Variants in DLG2 observed in about 807,000 individuals in gnomAD.
DLG2 encodes discs large MAGUK scaffold protein 2, also known as disks large homolog 2.
DLG2 carries 45 observed loss-of-function variants against 132.5 expected under a neutral mutation model. The observed-to-expected ratio is 0.34, with a 90% CI of 0.27 to 0.44. The LOEUF is 0.44. Among genes scored for constraint, DLG2 ranks in the 20% least tolerant of loss-of-function variants. The pLI, the probability that DLG2 is intolerant of heterozygous loss-of-function variation, is 1.00. For synonymous variants in DLG2, 424 were observed against 419.6 expected (o/e 1.01, Z -0.13); for missense variants, 1,045 against 1,196.9 (o/e 0.87, Z 1.87).
intron 9 of DLG2, among the ~76,000 whole-genome samples, chr11:84,150,191 G>A (rs533506804): frequency 1.3e-5 from 2 of 152,162 alleles, no homozygotes; most frequent in Admixed American, 6.5e-5. Flanking sequence ...CAATCCATGA[G>A]GATGGAATGG....
intron 6 of DLG2, among the ~76,000 whole-genome samples, chr11:84,655,235 C>T (rs1326788123): frequency 6.6e-6 from 1 of 152,118 alleles, no homozygotes; most frequent in Non-Finnish European, 1.5e-5. Flanking sequence ...CCTTTCATTT[C>T]ATATTTCACA....
At chr11:84,343,178 G>A (rs1009774470) in intron 7 of DLG2, among the ~76,000 whole-genome samples, 24 of 152,130 alleles carry the variant, frequency 1.6e-4, no homozygotes, top group African/African-American at 5.6e-4. Flanking sequence ...TTGATGAATC[G>A]ATAGACATTC....
chr11:85,546,818 C>CTTTTT (rs34822004), intron 3 of DLG2, among the ~76,000 whole-genome samples: 100 of 68,982 alleles, frequency 1.4e-3, no homozygotes, highest in South Asian at 1.8e-3. Flanking sequence ...ATAACCCCTG[C>CTTTTT]TTTTTTTTTT....
intron 6 of DLG2, among the ~76,000 whole-genome samples, chr11:85,046,930 A>C (rs2062401954): frequency 6.6e-6 from 1 of 151,768 alleles, no homozygotes; most frequent in Non-Finnish European, 1.5e-5. Flanking sequence ...TCTGCAGTAA[A>C]GAGATATGTT....
At chr11:84,353,826 T>C (rs1332027821) in intron 7 of DLG2, among the ~76,000 whole-genome samples, 1 of 152,092 alleles carries the variant, frequency 6.6e-6, no homozygotes, top group Admixed American at 6.6e-5. Context: ...TCCCACAACT[T>C]CATCATTTAT....
intron 3 of DLG2, among the ~76,000 whole-genome samples, chr11:85,589,911 T>A (rs1281430708): frequency 6.6e-6 from 1 of 152,140 alleles, no homozygotes; most frequent in Non-Finnish European, 1.5e-5. Flanking sequence ...CCAGTCAAAA[T>A]TATTGTAAAA....
At chr11:83,484,013 G>T in intron 22 of DLG2, 116 bp downstream of exon 22, 1 of 797,402 alleles carries the variant, frequency 1.3e-6, no homozygotes, top group Non-Finnish European at 2.1e-6. Flanking sequence ...TGCCCTGCCT[G>T]CCTGCTGTGT....
chr11:83,843,881 C>A (rs1360146014), intron 16 of DLG2, among the ~76,000 whole-genome samples: 1 of 152,120 alleles, frequency 6.6e-6, no homozygotes, highest in Non-Finnish European at 1.5e-5. Flanking sequence ...AAACCCCTTT[C>A]ATTACAAAGC....
chr11:83,854,814 A>G (rs1183411579), intron 16 of DLG2, among the ~76,000 whole-genome samples: 1 of 152,126 alleles, frequency 6.6e-6, no homozygotes, highest in East Asian at 1.9e-4. Flanking sequence ...GACAGTTTTT[A>G]TTTTATTAAA....
chr11:85,053,712 G>A (rs2154155210), intron 6 of DLG2, among the ~76,000 whole-genome samples: 1 of 144,584 alleles, frequency 6.9e-6, no homozygotes, highest in Non-Finnish European at 1.5e-5. Context: ...TGAGATAGGA[G>A]AATGGCGTGA....
chr11:83,909,466 C>T (rs2075658817), intron 15 of DLG2, among the ~76,000 whole-genome samples: 1 of 152,116 alleles, frequency 6.6e-6, no homozygotes, highest in African/African-American at 2.4e-5. Context: ...CAATGGAAGC[C>T]ACTGTCAAAG....
In DLG2 at chr11:83,814,196, C is replaced by T. The variant is rs150351369; in HGVS notation, c.1722+19418G>A. Among the ~76,000 whole-genome samples, 871 of 152,190 alleles carry T rather than the reference C, an allele frequency of 5.7e-3. 10 individuals carry two copies. The highest frequency in any genetic ancestry group is 0.018 in the African/African-American group (750 of 41,544). ...ACCAAATGGCAAGTGCATATACATA[C>T]AAGGCAAGTACTGGCACATCAGACG... On this transcript the variant is annotated intron_variant, in intron 17 of 27. Coordinates refer to ENST00000376104, the MANE Select transcript of DLG2 (RefSeq NM_001142699.3).
chr11:84,650,888 T>G (rs1039366211), intron 6 of DLG2, among the ~76,000 whole-genome samples: 6 of 109,472 alleles, frequency 5.5e-5, no homozygotes, highest in Non-Finnish European at 1.0e-4. Flanking sequence ...TATATATATA[T>G]ATATATATAT....
intron 3 of DLG2, among the ~76,000 whole-genome samples, chr11:85,299,752 T>C (rs2079468535): frequency 6.6e-6 from 1 of 152,194 alleles, no homozygotes; most frequent in South Asian, 2.1e-4. Flanking sequence ...TTCAGTAGTC[T>C]AGGGTAGGGC....
chr11:85,508,838 A>T (rs1321972777), intron 3 of DLG2, among the ~76,000 whole-genome samples: 2 of 152,104 alleles, frequency 1.3e-5, no homozygotes, highest in Non-Finnish European at 2.9e-5. Context: ...TTAGCATCTG[A>T]CAGATAGTAG....
chr11:85,245,181 C>T (rs561882302), intron 4 of DLG2, among the ~76,000 whole-genome samples: 1 of 151,944 alleles, frequency 6.6e-6, no homozygotes, highest in Admixed American at 6.6e-5. Flanking sequence ...AGATTCAGGC[C>T]TTATTAATCC....
At chr11:85,509,989 T>C (rs1363853265) in intron 3 of DLG2, 1 of 149,472 alleles carries the variant, frequency 6.7e-6, no homozygotes, top group Admixed American at 6.7e-5. Context: ...CAGAGAAGAT[T>C]AGCAGGGCCC....
intron 6 of DLG2, among the ~76,000 whole-genome samples, chr11:84,587,917 T>G (rs1462637189): frequency 2.0e-5 from 3 of 152,322 alleles, no homozygotes; most frequent in Non-Finnish European, 2.9e-5. Flanking sequence ...ACAGCTCACC[T>G]GAACCATGGT....
intron 6 of DLG2, among the ~76,000 whole-genome samples, chr11:84,950,413 G>A (rs936649004): frequency 2.6e-5 from 4 of 152,112 alleles, no homozygotes; most frequent in Admixed American, 2.6e-4. Context: ...ATATAACACA[G>A]ATCTATTCCT....
Sources: allele counts gnomAD v4.1 joint callset (sites outside exome capture counted in the v4.1 genomes callset), GRCh38; gene constraint gnomAD v4.1.1; transcripts MANE v1.5; gene names NCBI Gene and HGNC (gene_info 2026-07-23, HGNC 2026-07-21).